Variants in ANO4 observed in about 807,000 individuals in gnomAD.
The protein encoded by ANO4 is anoctamin-4.
ANO4 carries 69 observed loss-of-function variants against 141.9 expected under a neutral mutation model. The ratio of observed to expected loss-of-function variants is 0.49; its 90% confidence interval spans 0.40 to 0.59. The LOEUF (loss-of-function observed/expected upper bound fraction) is 0.59, where lower values mean the gene tolerates loss of function less well. Ranked by LOEUF, ANO4 falls within the 20% of genes least tolerant of loss-of-function variation. The pLI, the probability that ANO4 is intolerant of heterozygous loss-of-function variation, is 0.00. For missense variants in ANO4, 894 were observed against 1,162.2 expected (o/e 0.77, Z 3.36); for synonymous variants, 350 against 394.3 (o/e 0.89, Z 1.33).
At chr12:100,733,668 A>G (rs574139281) in intron 1 of ANO4, 234 of 609,414 alleles carry the variant, frequency 3.8e-4, no homozygotes, top group Non-Finnish European at 5.8e-4. Flanking sequence ...TACCCGTGTC[A>G]TAGACAAGGA....
At chr12:101,048,499 A>G (rs911934162) in intron 14 of ANO4, 98 bp downstream of exon 14, 2 of 1,110,238 alleles carry the variant, frequency 1.8e-6, no homozygotes, top group Non-Finnish European at 2.6e-6. Flanking sequence ...AAGAAGCTTG[A>G]GTAAATGGAA....
At chr12:100,948,053 C>T (rs1163555201) in intron 5 of ANO4, among the ~76,000 whole-genome samples, 1 of 148,178 alleles carries the variant, frequency 6.7e-6, no homozygotes, top group Non-Finnish European at 1.5e-5. Flanking sequence ...AATTAGCCGG[C>T]TGTGGTGGCG....
At chr12:100,979,559 G>A (rs2044355735) in intron 7 of ANO4, among the ~76,000 whole-genome samples, 1 of 152,032 alleles carries the variant, frequency 6.6e-6, no homozygotes, top group Non-Finnish European at 1.5e-5. Context: ...CTGCTACTTT[G>A]ATAAGTTTCA....
intron 3 of ANO4, among the ~76,000 whole-genome samples, chr12:100,933,745 A>T (rs1592758686): frequency 6.6e-6 from 1 of 152,182 alleles, no homozygotes; most frequent in Admixed American, 6.6e-5. Flanking sequence ...ATGTAAAAGC[A>T]TTCCTATTTC....
chr12:101,048,998 A>G (rs1175393292), intron 14 of ANO4, among the ~76,000 whole-genome samples: 1 of 152,198 alleles, frequency 6.6e-6, no homozygotes, highest in Non-Finnish European at 1.5e-5. Context: ...TCTTTGTAAA[A>G]TGGGTTAATA....
chr12:100,739,559 A>G (rs530776503), intron 2 of ANO4, among the ~76,000 whole-genome samples: 37 of 152,252 alleles, frequency 2.4e-4, no homozygotes, highest in African/African-American at 8.9e-4. Flanking sequence ...TCTATCTTAT[A>G]GTAGGCCTTA....
chr12:100,747,762 A>G (rs1393126493), intron 3 of ANO4, among the ~76,000 whole-genome samples: 2 of 152,208 alleles, frequency 1.3e-5, no homozygotes, highest in Admixed American at 1.3e-4. Flanking sequence ...AGTCCCAGCT[A>G]CCTGGGAGGC....
chr12:100,843,209 G>C (rs965813350), intron 1 of ANO4, among the ~76,000 whole-genome samples: 2 of 152,158 alleles, frequency 1.3e-5, no homozygotes, highest in Non-Finnish European at 2.9e-5. Context: ...CTTTAGGAAT[G>C]TGCTTGGTAT....
intron 4 of ANO4, among the ~76,000 whole-genome samples, chr12:100,941,757 A>G (rs1486062252): frequency 6.6e-6 from 1 of 152,052 alleles, no homozygotes; most frequent in African/African-American, 2.4e-5. Flanking sequence ...TGTGTTTTCC[A>G]GAGTGAGCAT....
At chr12:100,870,942 ATATACT>A (rs1338318703) in intron 1 of ANO4, among the ~76,000 whole-genome samples, 4 of 152,188 alleles carry the variant, frequency 2.6e-5, no homozygotes, top group African/African-American at 9.7e-5. Context: ...TGGAGAATAG[ATATACT>A]TATTCTCTGC....
intron 18 of ANO4, 135 bp from the exon 19 acceptor site, chr12:101,096,401 G>A (rs2049983360): frequency 1.1e-5 from 7 of 642,826 alleles, no homozygotes; most frequent in Admixed American, 2.7e-5. Flanking sequence ...CACGCCATCC[G>A]TGGGTAAACT....
intron 16 of ANO4, among the ~76,000 whole-genome samples, chr12:101,084,181 C>T (rs949137979): frequency 2.6e-5 from 4 of 152,170 alleles, no homozygotes; most frequent in Non-Finnish European, 4.4e-5. Flanking sequence ...CATGCCCATA[C>T]AGTAAGAAAT....
At chr12:100,942,225 C>A in intron 4 of ANO4, 152 bp from the exon 5 acceptor site, 2 of 724,128 alleles carry the variant, frequency 2.8e-6, no homozygotes, top group Non-Finnish European at 4.3e-6. Flanking sequence ...GTGATCCACC[C>A]GCCTCGGCCT....
chr12:100,870,860 T>C (rs2038997920), intron 1 of ANO4, among the ~76,000 whole-genome samples: 1 of 152,214 alleles, frequency 6.6e-6, no homozygotes, highest in Non-Finnish European at 1.5e-5. Flanking sequence ...TATAGGCTTA[T>C]TGGTTTTAAA....
intron 1 of ANO4, among the ~76,000 whole-genome samples, chr12:100,836,672 C>T (rs946377191): frequency 6.6e-5 from 10 of 151,958 alleles, no homozygotes; most frequent in African/African-American, 2.4e-4. Flanking sequence ...AGGTCATAGG[C>T]AATGCTTCCA....
chr12:100,928,063 C>T lies in ANO4; in HGVS notation c.160+5733C>T, dbSNP rs577051983. Among the ~76,000 whole-genome samples the T allele has an allele frequency of 9.1e-4, 138 of 151,710 alleles. 1 individual carries two copies. The highest frequency in any genetic ancestry group is 6.9e-3 in the South Asian group (33 of 4,786). On this transcript the variant is annotated intron_variant, in intron 3 of 27. Transcript: ENST00000392977. ...AGACTGAGTCATTTCTCAGTGACAC[C>T]GAGTGAGTCACTTTGAATCTAATTC...
At chr12:101,049,658 T>TA (rs2047782779) in intron 14 of ANO4, among the ~76,000 whole-genome samples, 1 of 152,116 alleles carries the variant, frequency 6.6e-6, no homozygotes, top group Admixed American at 6.6e-5. Context: ...ATACAGTGAA[T>TA]GTATTTAAGA....
rs1010987376 is a variant in ANO4 at position 100,895,837 on chromosome 12, T to G, written c.-140-5809T>G. Among the ~76,000 whole-genome samples, 9 of 152,020 alleles carry G rather than the reference T, an allele frequency of 5.9e-5. 1 individual carries two copies. Among genetic ancestry groups the G allele is most frequent in the African/African-American group, 2.2e-4 (9 of 41,328 alleles). On this transcript the variant is annotated intron_variant, in intron 1 of 27. Coordinates refer to ENST00000392977, the MANE Select transcript of ANO4 (RefSeq NM_001286615.2). ...TTGGCCTCCCAAAGTGCTGGGATTATAGGTGTGAGCCACTGTGCCTGGCCT... is the reference window on the plus strand; with the variant it reads ...TTGGCCTCCCAAAGTGCTGGGATTAGAGGTGTGAGCCACTGTGCCTGGCCT...
At chr12:101,001,525 C>T (rs990402992) in intron 8 of ANO4, among the ~76,000 whole-genome samples, 2 of 152,172 alleles carry the variant, frequency 1.3e-5, no homozygotes, top group Admixed American at 1.3e-4. Flanking sequence ...CCAGGGTTAC[C>T]CAGTAACAAA....
Sources: allele counts gnomAD v4.1 joint callset (sites outside exome capture counted in the v4.1 genomes callset), GRCh38; gene constraint gnomAD v4.1.1; transcripts MANE v1.5; gene names NCBI Gene and HGNC (gene_info 2026-07-23, HGNC 2026-07-21).